KIAA2012: variants seen among roughly 807,000 people sequenced by gnomAD.
KIAA2012 encodes KIAA2012.
In KIAA2012, 125 loss-of-function variants were observed where a neutral mutation model predicts 150.6. That is an observed-to-expected ratio of 0.83 (90% CI 0.72 to 0.96). The LOEUF (loss-of-function observed/expected upper bound fraction) is 0.96, where lower values mean the gene tolerates loss of function less well. KIAA2012 is among the 40% of genes least tolerant of loss of function. The pLI is 0.00. For missense variants in KIAA2012, 1,219 were observed against 1,354.9 expected, an observed-to-expected ratio of 0.90 and a Z score of 1.57; for synonymous variants, 462 against 504.7, an observed-to-expected ratio of 0.92 and a Z score of 1.13.
In KIAA2012 at chr2:202,201,437, A is replaced by T; in HGVS notation, c.3408-992A>T. 2.5e-6 allele frequency: 4 copies of T among 1,593,616 alleles called. 1 individual carries two copies. In the South Asian group the frequency reaches 4.4e-5, roughly 18 times the overall value. On this transcript the variant is annotated intron_variant, in intron 22 of 23. Coordinates refer to ENST00000498697, the MANE Select transcript of KIAA2012 (RefSeq NM_001277372.4). ...CCATGAAGAAGTTCCCCTTCCACTG[A>T]GTTACGAGGACATTGGCTGCCTGCA...
chr2:202,141,535 T>C (rs1458728412), intron 13 of KIAA2012, among the ~76,000 whole-genome samples: 1 of 152,172 alleles, frequency 6.6e-6, no homozygotes, highest in Non-Finnish European at 1.5e-5. Context: ...GAATCAAGTA[T>C]TTATGAAGGC....
At position 202,109,808 on chromosome 2, in the gene KIAA2012, C is replaced by T. The variant is rs1202851144; in HGVS notation, c.1651+19C>T. On this transcript the variant is annotated intron_variant, in intron 10 of 23. Coordinates refer to ENST00000498697, the MANE Select transcript of KIAA2012 (RefSeq NM_001277372.4). ...GCTCAAGGTAATCATTCCCAGAGTG[C>T]ATAGACGCCCCCCACTGGCTTGAAT... 4.0e-6 allele frequency: 6 copies of T among 1,511,644 alleles called. No individual in the cohort carries two copies. The highest frequency in any genetic ancestry group is 5.3e-6 in the Non-Finnish European group (6 of 1,128,052). 93.6% of individuals were successfully genotyped at this position (1,511,644 alleles called of 1,614,324 possible).
intron 13 of KIAA2012, 59 bp from the exon 14 acceptor site, chr2:202,154,614 C>T (rs1208489261): frequency 2.1e-6 from 3 of 1,429,748 alleles, no homozygotes; most frequent in Admixed American, 2.9e-5. Flanking sequence ...TTTGGACTAG[C>T]TCTTGTTGCA....
chr2:202,115,895 G>A (rs1690508136), intron 11 of KIAA2012: 1 of 136,332 alleles, frequency 7.3e-6, no homozygotes, highest in Non-Finnish European at 1.6e-5. Flanking sequence ...ATAGGGAAAT[G>A]AATATAAACC....
Position 202,074,952 on chromosome 2 carries a change from A to G in KIAA2012, c.146A>G (p.Asn49Ser). 1.3e-6 allele frequency: 2 copies of G among 1,551,040 alleles called. No individual in the cohort carries two copies. Among genetic ancestry groups the G allele is most frequent in the Non-Finnish European group, 1.7e-6 (2 of 1,147,096 alleles). ...CCTGTCAGCAAACCTCAAGATAAGAACAATGCCAGTCAGCACTCCTGGAGC... is the reference window on the plus strand; with the variant it reads ...CCTGTCAGCAAACCTCAAGATAAGAGCAATGCCAGTCAGCACTCCTGGAGC... ...YVPVSKPQDKNNASQHSWSLF... is the reference protein window; with the variant it reads ...YVPVSKPQDKSNASQHSWSLF... Residue 49 changes from asparagine (N) to serine (S), a missense_variant, in exon 2 of 24, where the codon AAC becomes AGC. Asn to Ser is a conservative substitution (Grantham distance 46). Coordinates refer to ENST00000498697, the MANE Select transcript of KIAA2012 (RefSeq NM_001277372.4).
At chr2:202,148,707 G>A (rs2105949381) in intron 13 of KIAA2012, among the ~76,000 whole-genome samples, 1 of 152,278 alleles carries the variant, frequency 6.6e-6, no homozygotes, top group South Asian at 2.1e-4. Context: ...GATCCCAGGC[G>A]TCCATCTGAC....
chr2:202,190,312 A>G lies in KIAA2012; in HGVS notation c.2630A>G (p.Asp877Gly). 3 of 1,550,602 alleles carry G rather than the reference A, an allele frequency of 1.9e-6. No homozygotes were observed. The highest frequency in any genetic ancestry group is 2.6e-6 in the Non-Finnish European group (3 of 1,147,002). ...GPDVSYEETE[D>G]TSNRGSFASD... is the part of the protein sequence containing the mutation. Reference sequence around the variant, plus strand: ...GATGTCAGCTATGAGGAAACAGAAGACACCTCAAATAGAGGTTCCTTTGCC... The same window carrying G: ...GATGTCAGCTATGAGGAAACAGAAGGCACCTCAAATAGAGGTTCCTTTGCC... The change falls in exon 19 of 24, where the codon GAC (aspartate) becomes GGC (glycine). Residue 877 changes from aspartate (D) to glycine (G), a missense_variant. By Grantham distance (94) the Asp-to-Gly change is moderately conservative. Transcript: ENST00000498697.
At chr2:202,084,954 G>A (rs936550182) in intron 2 of KIAA2012, among the ~76,000 whole-genome samples, 1 of 151,986 alleles carries the variant, frequency 6.6e-6, no homozygotes, top group Non-Finnish European at 1.5e-5. Context: ...CTATACACAG[G>A]ATATGCTTGT....
At chr2:202,132,214 C>T (rs975585521) in intron 12 of KIAA2012, among the ~76,000 whole-genome samples, 4 of 152,018 alleles carry the variant, frequency 2.6e-5, no homozygotes, top group Non-Finnish European at 5.9e-5. Context: ...AAGGAATTTA[C>T]GCCAATGATG....
At chr2:202,099,543 C>A in intron 5 of KIAA2012, 70 bp from the exon 6 acceptor site, 3 of 1,268,010 alleles carry the variant, frequency 2.4e-6, no homozygotes, top group Non-Finnish European at 3.2e-6. Context: ...GCCACAAGGG[C>A]TGTTAAAGAA....
intron 2 of KIAA2012, among the ~76,000 whole-genome samples, chr2:202,087,777 C>T (rs955727922): frequency 6.6e-6 from 1 of 152,002 alleles, no homozygotes; most frequent in African/African-American, 2.4e-5. Context: ...AAGAAAGGGG[C>T]CAGCAAGCAA....
intron 22 of KIAA2012, among the ~76,000 whole-genome samples, chr2:202,199,920 A>ATTTTTTTTTTTTT (rs71025287): frequency 1.3e-5 from 1 of 76,270 alleles, no homozygotes; most frequent in Non-Finnish European, 2.3e-5. Flanking sequence ...GCCCCTCATA[A>ATTTTTTTTTTTTT]TTTTTTTTTT....
chr2:202,117,771 T>C (rs554421809), intron 11 of KIAA2012, among the ~76,000 whole-genome samples: 13 of 152,322 alleles, frequency 8.5e-5, no homozygotes, highest in African/African-American at 3.1e-4. Context: ...TGGAAACCAG[T>C]GGACCAAAGT....
intron 11 of KIAA2012, among the ~76,000 whole-genome samples, chr2:202,121,537 T>C (rs1690652040): frequency 6.6e-6 from 1 of 152,190 alleles, no homozygotes; most frequent in Non-Finnish European, 1.5e-5. Flanking sequence ...AGGATGTTAA[T>C]ATTGAGAGCA....
chr2:202,165,017 G>A (rs1691728418), intron 14 of KIAA2012, among the ~76,000 whole-genome samples: 1 of 151,866 alleles, frequency 6.6e-6, no homozygotes, highest in Non-Finnish European at 1.5e-5. Context: ...GGGAACTCCT[G>A]TTTTAAGCAA....
intron 22 of KIAA2012, chr2:202,201,423 T>C (rs1574320954): frequency 6.3e-7 from 1 of 1,591,974 alleles, no homozygotes; most frequent in Non-Finnish European, 8.6e-7. Flanking sequence ...CATGAAGAAG[T>C]TCCCCTTCCA....
intron 2 of KIAA2012, among the ~76,000 whole-genome samples, chr2:202,082,183 C>A (rs1300330211): frequency 6.6e-6 from 1 of 151,894 alleles, no homozygotes; most frequent in African/African-American, 2.4e-5. Context: ...GGTTTTTTGT[C>A]ATTGAATTGT....
At chr2:202,147,265 C>A (rs1691320612) in intron 13 of KIAA2012, among the ~76,000 whole-genome samples, 1 of 152,292 alleles carries the variant, frequency 6.6e-6, no homozygotes, top group South Asian at 2.1e-4. Flanking sequence ...AAAATTCTAA[C>A]CATTAGAGAT....
At chr2:202,096,345 A>G (rs1308188907) in intron 4 of KIAA2012, among the ~76,000 whole-genome samples, 1 of 152,190 alleles carries the variant, frequency 6.6e-6, no homozygotes, top group Non-Finnish European at 1.5e-5. Flanking sequence ...ATGAGTCCCC[A>G]GCCCATCAGA....
Sources: gnomAD v4.1 joint callset for allele counts (sites outside exome capture counted in the v4.1 genomes callset) on GRCh38, gnomAD v4.1.1 for gene constraint, MANE v1.5 for transcripts, NCBI Gene and HGNC (gene_info 2026-07-23, HGNC 2026-07-21) for gene names.